The following CA10 variants were observed in gnomAD, a reference collection of about 807,000 sequenced individuals.
The protein encoded by CA10 is carbonic anhydrase-related protein 10.
A neutral mutation model predicts 44.2 loss-of-function variants in CA10; 14 were observed. That is an observed-to-expected ratio of 0.32 (90% CI 0.21 to 0.50). The LOEUF (loss-of-function observed/expected upper bound fraction) is 0.50, where lower values mean the gene tolerates loss of function less well. CA10 is among the 20% of genes least tolerant of loss of function. The pLI is 0.99. For synonymous variants in CA10, 159 were observed against 141.6 expected (o/e 1.12, Z -0.87); for missense variants, 350 against 409.7 (o/e 0.85, Z 1.26).
chr17:51,964,929 C>A lies in CA10; in HGVS notation c.137-33797G>T, dbSNP rs74916218. On this transcript the variant is annotated intron_variant, in intron 2 of 8. Transcript: ENST00000451037. The stretch of plus-strand genomic sequence containing the variant: ...AGACCAGAACTGAAAGAAATTGAGA[C>A]CCCCCCAAATCCATACAAAGGGTCA... 2.6e-3 allele frequency among the ~76,000 whole-genome samples: 398 copies of A among 151,472 alleles called. 1 individual carries two copies. In the Middle Eastern group the frequency reaches 0.044, roughly 17 times the overall value.
intron 2 of CA10, among the ~76,000 whole-genome samples, chr17:52,054,505 G>A (rs1007214769): frequency 6.6e-6 from 1 of 152,014 alleles, no homozygotes; most frequent in African/African-American, 2.4e-5. Flanking sequence ...TTTACCTTGT[G>A]ATATTTTGTT....
intron 3 of CA10, among the ~76,000 whole-genome samples, chr17:51,868,408 C>T (rs762461845): frequency 6.6e-6 from 1 of 152,136 alleles, no homozygotes; most frequent in African/African-American, 2.4e-5. Context: ...CTGCTTTAAG[C>T]GTGCCGTCTC....
intron 3 of CA10, among the ~76,000 whole-genome samples, chr17:51,914,042 CAG>C (rs1389421406): frequency 2.6e-5 from 4 of 152,118 alleles, no homozygotes; most frequent in African/African-American, 9.7e-5. Context: ...CTAGGAGAAA[CAG>C]AGACAGGCCA....
At chr17:52,021,722 A>G (rs1281035547) in intron 2 of CA10, among the ~76,000 whole-genome samples, 2 of 152,122 alleles carry the variant, frequency 1.3e-5, no homozygotes, top group Admixed American at 6.6e-5. Context: ...CAAAGATGAC[A>G]TTACAACCAA....
chr17:51,859,217 A>G (rs535156313), intron 3 of CA10, among the ~76,000 whole-genome samples: 137 of 152,250 alleles, frequency 9.0e-4, no homozygotes, highest in Non-Finnish European at 1.8e-3. Flanking sequence ...AAATCCATAC[A>G]AGAAAGTGTT....
intron 3 of CA10, among the ~76,000 whole-genome samples, chr17:51,901,682 A>C (rs1432831612): frequency 6.6e-6 from 1 of 152,148 alleles, no homozygotes; most frequent in African/African-American, 2.4e-5. Flanking sequence ...ACTGCACTCT[A>C]GTCTGGGTGA....
intron 1 of CA10, among the ~76,000 whole-genome samples, chr17:52,091,906 T>C (rs1352074905): frequency 6.6e-6 from 1 of 152,174 alleles, no homozygotes; most frequent in African/African-American, 2.4e-5. Context: ...CCAGTGAGGT[T>C]TTATAAGCCA....
At chr17:51,759,523 C>T (rs76490503) in intron 3 of CA10, among the ~76,000 whole-genome samples, 1 of 149,642 alleles carries the variant, frequency 6.7e-6, no homozygotes, top group Admixed American at 6.7e-5. Context: ...ATAATATAGG[C>T]ATGATTGGAT....
intron 3 of CA10, among the ~76,000 whole-genome samples, chr17:51,858,108 C>A (rs893192978): frequency 6.6e-6 from 1 of 152,042 alleles, no homozygotes; most frequent in Non-Finnish European, 1.5e-5. Flanking sequence ...CATTATATAT[C>A]TCTCTGGGAA....
chr17:51,894,183 G>A (rs1980974403), intron 3 of CA10, among the ~76,000 whole-genome samples: 1 of 151,974 alleles, frequency 6.6e-6, no homozygotes, highest in Non-Finnish European at 1.5e-5. Flanking sequence ...AGAAAGAAGA[G>A]GCTTTCTCAG....
chr17:51,721,258 G>A (rs1261359058), intron 4 of CA10, among the ~76,000 whole-genome samples: 1 of 152,168 alleles, frequency 6.6e-6, no homozygotes, highest in Non-Finnish European at 1.5e-5. Context: ...CTTGAACCTG[G>A]GAGGTGGAGG....
intron 6 of CA10, among the ~76,000 whole-genome samples, chr17:51,636,294 G>A (rs2143214326): frequency 6.6e-6 from 1 of 152,262 alleles, no homozygotes; most frequent in South Asian, 2.1e-4. Context: ...CCATGTCATT[G>A]TCCATGCTTT....
At chr17:51,639,834 C>T (rs1913007654) in intron 6 of CA10, among the ~76,000 whole-genome samples, 2 of 152,182 alleles carry the variant, frequency 1.3e-5, no homozygotes, top group Non-Finnish European at 2.9e-5. Flanking sequence ...CCACAGGTAA[C>T]CCTCTGAGCC....
intron 2 of CA10, among the ~76,000 whole-genome samples, chr17:51,994,826 A>T (rs971901800): frequency 3.0e-5 from 4 of 132,734 alleles, no homozygotes; most frequent in East Asian, 7.6e-4. Flanking sequence ...ATATTTTATG[A>T]TATTAGACCC....
At chr17:51,904,078 A>C (rs1981435857) in intron 3 of CA10, among the ~76,000 whole-genome samples, 1 of 151,680 alleles carries the variant, frequency 6.6e-6, no homozygotes, top group African/African-American at 2.4e-5. Flanking sequence ...TCACAGGGTG[A>C]CCAACCCACC....
chr17:51,997,870 C>T (rs1985291250), intron 2 of CA10, among the ~76,000 whole-genome samples: 2 of 152,044 alleles, frequency 1.3e-5, no homozygotes, highest in Admixed American at 6.6e-5. Context: ...GTAAACATCG[C>T]ACCAGAGTCC....
chr17:51,930,600 T>C (rs932277210), intron 3 of CA10, among the ~76,000 whole-genome samples: 12 of 152,112 alleles, frequency 7.9e-5, no homozygotes, highest in African/African-American at 2.7e-4. Context: ...GATGAACGTC[T>C]GATTTTATTT....
chr17:51,747,868 C>T (rs749749862), intron 3 of CA10, 50 bp from the exon 4 acceptor site: 5 of 1,406,570 alleles, frequency 3.6e-6, no homozygotes, highest in African/African-American at 1.4e-5. Flanking sequence ...TCTTCTATGC[C>T]TCCCCAAACC....
At chr17:52,070,803 T>C (rs1208368892) in intron 2 of CA10, among the ~76,000 whole-genome samples, 1 of 152,002 alleles carries the variant, frequency 6.6e-6, no homozygotes, top group Non-Finnish European at 1.5e-5. Flanking sequence ...CATCGAAAAA[T>C]GTGAGGCAGA....
Sources: allele counts gnomAD v4.1 joint callset (sites outside exome capture counted in the v4.1 genomes callset), GRCh38; gene constraint gnomAD v4.1.1; transcripts MANE v1.5; gene names NCBI Gene and HGNC (gene_info 2026-07-23, HGNC 2026-07-21).